The following DNAI4 variants were observed in gnomAD, a reference collection of about 807,000 sequenced individuals.
DNAI4 encodes dynein axonemal intermediate chain 4.
A neutral mutation model predicts 105.8 loss-of-function variants in DNAI4; 85 were observed. That is an observed-to-expected ratio of 0.80 (90% CI 0.67 to 0.96). DNAI4 has a LOEUF of 0.96. Ranked by LOEUF, DNAI4 falls within the 40% of genes least tolerant of loss-of-function variation. The probability of loss-of-function intolerance (pLI) is 0.00; values close to 1 mark genes in which losing one functional copy is unlikely to be tolerated. For synonymous variants in DNAI4, 352 were observed against 331.5 expected, an observed-to-expected ratio of 1.06 and a Z score of -0.67; for missense variants, 1,014 against 1,005.6, an observed-to-expected ratio of 1.01 and a Z score of -0.11.
In DNAI4 at chr1:66,844,723, C is replaced by T. The variant is rs1001221525; in HGVS notation, c.1291+2761G>A. On this transcript the variant is annotated intron_variant, in intron 8 of 16. Coordinates refer to ENST00000371026, the MANE Select transcript of DNAI4 (RefSeq NM_024763.5). ...GAGAGCTCATGGAAAGAATTAATTA[C>T]AAAAGAAAAAAATTGGCAGATTAGA... is the stretch of plus-strand genomic sequence containing the variant. Among the ~76,000 whole-genome samples the T allele has an allele frequency of 2.6e-5, 4 of 151,496 alleles. No homozygotes were observed. In the East Asian group the frequency reaches 7.7e-4, roughly 29 times the overall value.
intron 3 of DNAI4, among the ~76,000 whole-genome samples, 168 bp downstream of exon 3, chr1:66,893,061 G>GAAAGAAAGAAAGAAAA (rs1557965283): frequency 1.1e-5 from 1 of 93,580 alleles, no homozygotes; most frequent in African/African-American, 5.0e-5. Context: ...GAAAGAGAGA[G>GAAAGAAAGAAAGAAAA]AGAGAAAGAA....
rs1198446787 is a variant in DNAI4, at chr1:66,836,108, T to A, written c.1582-331A>T. ...CAGTTTGGGACCAGCCTGGGCAACATAACAAGACCCTCATCTCAGAAAGAA... is the reference window on the plus strand; with the variant it reads ...CAGTTTGGGACCAGCCTGGGCAACAAAACAAGACCCTCATCTCAGAAAGAA... On this transcript the variant is annotated intron_variant, in intron 10 of 16. Coordinates refer to ENST00000371026, the MANE Select transcript of DNAI4 (RefSeq NM_024763.5). 9.2e-5 allele frequency among the ~76,000 whole-genome samples: 11 copies of A among 119,226 alleles called. No individual in the cohort carries two copies. In the Admixed American group the frequency reaches 9.8e-4, roughly 11 times the overall value. The allele number at this position is 119,226 out of a possible 152,430, so 78.2% of individuals were successfully genotyped here.
At chr1:66,814,298 T>C (rs1645467861) in intron 16 of DNAI4, 118 bp from the exon 17 acceptor site, 2 of 704,826 alleles carry the variant, frequency 2.8e-6, no homozygotes, top group Non-Finnish European at 4.6e-6. Context: ...AATAAGATTG[T>C]AAAAGGGAAA....
rs1342521606 is a variant in DNAI4, at chr1:66,831,264, T to C, written c.2013+2321A>G. ...GTATATAATGAAGAAATCATACTAA[T>C]TTTATGAAAATTCTTTCTAAAAGGA... is the stretch of plus-strand genomic sequence containing the variant. On this transcript the variant is annotated intron_variant, in intron 13 of 16. Transcript: ENST00000371026. 3.9e-5 allele frequency among the ~76,000 whole-genome samples: 6 copies of C among 152,214 alleles called. No homozygotes were observed. In the East Asian group the frequency reaches 1.2e-3, roughly 29 times the overall value.
At chr1:66,888,414 G>T (rs1257590988) in intron 4 of DNAI4, among the ~76,000 whole-genome samples, 2 of 152,152 alleles carry the variant, frequency 1.3e-5, no homozygotes, top group Admixed American at 6.5e-5. Context: ...ACCAGCAACG[G>T]CTGGGCGTGG....
At chr1:66,875,947 C>A (rs1646950195) in intron 4 of DNAI4, among the ~76,000 whole-genome samples, 1 of 151,942 alleles carries the variant, frequency 6.6e-6, no homozygotes. Flanking sequence ...AATGACAGAG[C>A]AGCCCAGAAC....
At chr1:66,857,677 G>A (rs1475102855) in intron 7 of DNAI4, among the ~76,000 whole-genome samples, 3 of 152,044 alleles carry the variant, frequency 2.0e-5, no homozygotes, top group Non-Finnish European at 1.5e-5. Flanking sequence ...TGGGATTACA[G>A]GCATGAACCA....
At chr1:66,924,065 T>G (rs1650870231) in intron 1 of DNAI4, among the ~76,000 whole-genome samples, 1 of 152,220 alleles carries the variant, frequency 6.6e-6, no homozygotes, top group Admixed American at 6.5e-5. Flanking sequence ...GGGCACAGCA[T>G]GAAAGCATCA....
intron 11 of DNAI4, among the ~76,000 whole-genome samples, chr1:66,834,869 G>C (rs1400101184): frequency 1.3e-5 from 2 of 152,026 alleles, no homozygotes; most frequent in African/African-American, 2.4e-5. Flanking sequence ...AAGCACAAAG[G>C]CCTATGCTTA....
intron 4 of DNAI4, among the ~76,000 whole-genome samples, chr1:66,889,028 C>T (rs1221931772): frequency 6.6e-6 from 1 of 152,178 alleles, no homozygotes; most frequent in Non-Finnish European, 1.5e-5. Flanking sequence ...GAGGTTATGA[C>T]AATAATCCAG....
intron 6 of DNAI4, among the ~76,000 whole-genome samples, chr1:66,863,726 G>T (rs1646675175): frequency 6.6e-6 from 1 of 152,118 alleles, no homozygotes; most frequent in Non-Finnish European, 1.5e-5. Flanking sequence ...CCAAAGTGCT[G>T]GGATTACAGG....
intron 8 of DNAI4, among the ~76,000 whole-genome samples, chr1:66,847,239 T>G (rs148071123): frequency 7.2e-4 from 110 of 152,294 alleles, no homozygotes; most frequent in African/African-American, 2.5e-3. Flanking sequence ...TTTAGAAATA[T>G]ATACTAAAAC....
chr1:66,830,798 TAAATAAAATA>T (rs1440827736), intron 13 of DNAI4, among the ~76,000 whole-genome samples: 1 of 148,130 alleles, frequency 6.8e-6, no homozygotes, highest in African/African-American at 2.5e-5. Context: ...AATAAATAAA[TAAATAAAATA>T]AAATAAATAA....
intron 12 of DNAI4, 129 bp from the exon 13 acceptor site, chr1:66,833,835 T>C: frequency 7.1e-7 from 1 of 1,403,130 alleles, no homozygotes; most frequent in Non-Finnish European, 9.5e-7. Context: ...TAGGCTAAAA[T>C]TAGCACACAC....
chr1:66,915,004 T>G (rs1649960221), intron 1 of DNAI4, among the ~76,000 whole-genome samples: 1 of 152,216 alleles, frequency 6.6e-6, no homozygotes, highest in African/African-American at 2.4e-5. Flanking sequence ...CCAGCATACA[T>G]TTTGTTTGCA....
At chr1:66,829,198 T>A (rs922239180) in intron 13 of DNAI4, among the ~76,000 whole-genome samples, 3 of 152,210 alleles carry the variant, frequency 2.0e-5, no homozygotes, top group African/African-American at 4.8e-5. Context: ...TCAAGCAAGA[T>A]GTTAGACTCA....
At chr1:66,903,358 T>C (rs909407776) in intron 2 of DNAI4, among the ~76,000 whole-genome samples, 1 of 152,240 alleles carries the variant, frequency 6.6e-6, no homozygotes, top group Non-Finnish European at 1.5e-5. Flanking sequence ...GAAATGCAAC[T>C]AATTTGTGTT....
chr1:66,849,504 T>C (rs747468400), intron 7 of DNAI4, among the ~76,000 whole-genome samples: 7 of 152,164 alleles, frequency 4.6e-5, no homozygotes, highest in East Asian at 1.9e-4. Context: ...CAGGTTTCAA[T>C]TGAAAGTCAC....
At chr1:66,879,418 T>G (rs1647021585) in intron 4 of DNAI4, among the ~76,000 whole-genome samples, 1 of 152,250 alleles carries the variant, frequency 6.6e-6, no homozygotes, top group Non-Finnish European at 1.5e-5. Flanking sequence ...TATTGTTTAT[T>G]TATCTGTTCA....
Sources: allele counts gnomAD v4.1 joint callset (sites outside exome capture counted in the v4.1 genomes callset), GRCh38; gene constraint gnomAD v4.1.1; transcripts MANE v1.5; gene names NCBI Gene and HGNC (gene_info 2026-07-23, HGNC 2026-07-21).